The following TYW1B variants were observed in gnomAD, a reference collection of about 807,000 sequenced individuals.
TYW1B encodes tRNA-yW synthesizing protein 1 homolog B.
Under a neutral mutation model 86.9 loss-of-function variants are expected in TYW1B, and 73 were observed. The observed-to-expected ratio is 0.84, with a 90% CI of 0.70 to 1.02. The LOEUF is 1.02. Ranked by LOEUF, TYW1B falls within the 50% of genes least tolerant of loss-of-function variation. TYW1B has a pLI of 0.00. For missense variants in TYW1B, 637 were observed against 827.4 expected (o/e 0.77, Z 2.82); for synonymous variants, 248 against 292.8 (o/e 0.85, Z 1.56).
chr7:72,701,071 A>T (rs192693175), intron 10 of TYW1B, among the ~76,000 whole-genome samples: 310 of 152,088 alleles, frequency 2.0e-3, no homozygotes, highest in African/African-American at 7.1e-3. Context: ...CTCAGAAAAA[A>T]AAAAAAAGAA....
chr7:72,688,161 T>A (rs1376772703), intron 11 of TYW1B, among the ~76,000 whole-genome samples: 1 of 152,244 alleles, frequency 6.6e-6, no homozygotes, highest in Non-Finnish European at 1.5e-5. Flanking sequence ...ATATAGTAAC[T>A]GTTTACCTTT....
At chr7:72,820,337 C>A (rs1179256169) in intron 2 of TYW1B, among the ~76,000 whole-genome samples, 1 of 151,926 alleles carries the variant, frequency 6.6e-6, no homozygotes, top group African/African-American at 2.4e-5. Flanking sequence ...GCTTCATAAG[C>A]GAAGGAGAAA....
intron 9 of TYW1B, among the ~76,000 whole-genome samples, chr7:72,720,750 TTTA>T (rs1325946151): frequency 1.3e-5 from 2 of 152,054 alleles, no homozygotes; most frequent in African/African-American, 2.4e-5. Flanking sequence ...TCTAAATTTC[TTTA>T]TTATTATTAT....
At chr7:72,768,659 C>T (rs35471569) in intron 7 of TYW1B, 105,404 of 152,652 alleles carry the variant, frequency 0.69, 37,353 homozygotes, top group Non-Finnish European at 0.77. Context: ...TGGTGGCGGG[C>T]GCCTGTAGTC....
In TYW1B at chr7:72,746,604, G is replaced by T. The variant is rs567497801; in HGVS notation, c.965-2003C>A. Among the ~76,000 whole-genome samples, 17 of 152,296 alleles carry T rather than the reference G, an allele frequency of 1.1e-4. No homozygotes were observed. The South Asian group carries it at 3.3e-3, about 30-fold the overall frequency. ...ATGTGGATATAGGCTCTTTAATGAG[G>T]TATTTAAGGTTAAGTGAGGTCAGGT... On this transcript the variant is annotated intron_variant, in intron 7 of 13. Coordinates refer to ENST00000620995, the MANE Select transcript of TYW1B (RefSeq NM_001145440.3).
intron 12 of TYW1B, among the ~76,000 whole-genome samples, chr7:72,622,638 C>CACAT (rs1454232691): frequency 3.3e-5 from 5 of 151,984 alleles, no homozygotes; most frequent in Non-Finnish European, 5.9e-5. Context: ...CAAACACACA[C>CACAT]ACATACAGAC....
chr7:72,805,385 G>A (rs1205823888), intron 5 of TYW1B, among the ~76,000 whole-genome samples: 2 of 150,648 alleles, frequency 1.3e-5, no homozygotes, highest in African/African-American at 4.9e-5. Flanking sequence ...GGCCGGGCCA[G>A]TGGATCACTT....
rs1364620508 is a variant in TYW1B, at chr7:72,574,981, G to A, written c.*517C>T. Reference sequence around the variant, plus strand: ...TATTTAAAAAATAATTGAGAGTTGTGACAACTTCGATTCTTTTCAGGAGGT... The same window carrying A: ...TATTTAAAAAATAATTGAGAGTTGTAACAACTTCGATTCTTTTCAGGAGGT... On this transcript the variant is annotated 3_prime_UTR_variant, in exon 14 of 14. Coordinates refer to ENST00000620995, the MANE Select transcript of TYW1B (RefSeq NM_001145440.3). The A allele has an allele frequency of 9.1e-6, 9 of 987,992 alleles. No individual in the cohort carries two copies. Among genetic ancestry groups the A allele is most frequent in the Non-Finnish European group, 9.6e-6 (8 of 831,632 alleles). The allele number at this position is 987,992 out of a possible 1,614,324, so 61.2% of individuals were successfully genotyped here.
intron 5 of TYW1B, among the ~76,000 whole-genome samples, chr7:72,803,860 C>T (rs1184499291): frequency 6.6e-6 from 1 of 151,930 alleles, no homozygotes; most frequent in South Asian, 2.1e-4. Flanking sequence ...GTGATCCGCC[C>T]GCCTCAGCCT....
intron 10 of TYW1B, among the ~76,000 whole-genome samples, chr7:72,703,001 TATATATATATATATATATATATATA>T: frequency 5.5e-5 from 1 of 18,194 alleles, no homozygotes; most frequent in Middle Eastern, 0.022. Flanking sequence ...TATATATATA[TATATATATATATATATATATATATA>T]TTTTTTTTTT....
At chr7:72,663,208 G>A (rs1813377626) in intron 11 of TYW1B, among the ~76,000 whole-genome samples, 2 of 151,762 alleles carry the variant, frequency 1.3e-5, no homozygotes, top group Non-Finnish European at 2.9e-5. Flanking sequence ...GGGGTTGGCG[G>A]CACGATGACT....
At position 72,627,158 on chromosome 7, in the gene TYW1B, C is replaced by T. The variant is rs1812365878; in HGVS notation, c.1617+1729G>A. Among the ~76,000 whole-genome samples the T allele has an allele frequency of 2.6e-5, 4 of 152,128 alleles. No individual in the cohort carries two copies. In the South Asian group the frequency reaches 6.2e-4, roughly 24 times the overall value. ...ATTTACGTATCAGTTTTTAAAATGT[C>T]ATCTCAGGCCCGGCGCGGTAGTTCT... On this transcript the variant is annotated intron_variant, in intron 12 of 13. Transcript: ENST00000620995.
chr7:72,694,609 C>A lies in TYW1B; in HGVS notation c.1506+78G>T, dbSNP rs1301680245. ...GAGGAAAAAGTACCTCTGTTCTTTT[C>A]TTCCATCTTTCTTTCTTCTTAACTT... On this transcript the variant is annotated intron_variant, in intron 11 of 13. Coordinates refer to ENST00000620995, the MANE Select transcript of TYW1B (RefSeq NM_001145440.3). The A allele has an allele frequency of 2.2e-5, 30 of 1,371,290 alleles. No individual in the cohort carries two copies. In the Admixed American group the frequency reaches 8.7e-4, roughly 40 times the overall value. 84.9% of individuals were successfully genotyped at this position (1,371,290 alleles called of 1,614,324 possible). A position where few individuals can be genotyped will look rare whatever the true frequency, so the allele number is the denominator to read the frequency against.
intron 13 of TYW1B, among the ~76,000 whole-genome samples, chr7:72,599,718 A>T (rs189880369): frequency 4.9e-4 from 75 of 152,248 alleles, no homozygotes; most frequent in Admixed American, 2.1e-3. Context: ...TATATATATA[A>T]AATTAATTGC....
chr7:72,792,095 C>T (rs1262971413), intron 6 of TYW1B, among the ~76,000 whole-genome samples: 3 of 152,016 alleles, frequency 2.0e-5, no homozygotes, highest in African/African-American at 7.2e-5. Context: ...TTTGGGAGAC[C>T]GAGGCGGGTG....
At chr7:72,672,382 CA>C (rs1319566778) in intron 11 of TYW1B, among the ~76,000 whole-genome samples, 5 of 151,156 alleles carry the variant, frequency 3.3e-5, no homozygotes, top group African/African-American at 1.2e-4. Context: ...TGATGATTCA[CA>C]AAAAAAGATA....
At chr7:72,660,594 A>C (rs1813305790) in intron 11 of TYW1B, among the ~76,000 whole-genome samples, 1 of 152,164 alleles carries the variant, frequency 6.6e-6, no homozygotes, top group South Asian at 2.1e-4. Context: ...CCGTTTGCAA[A>C]ATCCTGCTAC....
At chr7:72,605,802 C>G (rs577396727) in intron 13 of TYW1B, among the ~76,000 whole-genome samples, 4 of 152,284 alleles carry the variant, frequency 2.6e-5, no homozygotes, top group Admixed American at 6.5e-5. Context: ...AGCAGCCATA[C>G]AACCTTAACT....
rs193233906 is a variant in TYW1B, at chr7:72,607,851, T to C, written c.1785+8821A>G. On this transcript the variant is annotated intron_variant, in intron 13 of 13. Transcript: ENST00000620995. ...GCATATACCTGCAGATTCAGGAAGC[T>C]GAGCATGCCTCCAAAACAACAGACC... 4.2e-3 allele frequency among the ~76,000 whole-genome samples: 643 copies of C among 152,312 alleles called. 2 individuals carry two copies. The highest frequency in any genetic ancestry group is 6.3e-3 in the Non-Finnish European group (428 of 68,022).
Sources: gnomAD v4.1 joint callset for allele counts (sites outside exome capture counted in the v4.1 genomes callset) on GRCh38, gnomAD v4.1.1 for gene constraint, MANE v1.5 for transcripts, NCBI Gene and HGNC (gene_info 2026-07-23, HGNC 2026-07-21) for gene names.